The following PCDHGB1 variants were observed in gnomAD, a reference collection of about 807,000 sequenced individuals.
The protein encoded by PCDHGB1 is protocadherin gamma subfamily B, 1.
In PCDHGB1, 34 loss-of-function variants were observed where a neutral mutation model predicts 56.6. The ratio of observed to expected loss-of-function variants is 0.60; its 90% CI spans 0.46 to 0.80. PCDHGB1 has a LOEUF of 0.80. PCDHGB1 is among the 30% of genes least tolerant of loss of function. The pLI, the probability that PCDHGB1 is intolerant of heterozygous loss-of-function variation, is 0.00. For synonymous variants in PCDHGB1, 561 were observed against 505.9 expected, an observed-to-expected ratio of 1.11 and a Z score of -1.46; for missense variants, 1,278 against 1,204.6, an observed-to-expected ratio of 1.06 and a Z score of -0.90.
At chr5:141,388,365 G>A (rs2091332064) in intron 1 of PCDHGB1, 1 of 1,614,002 alleles carries the variant, frequency 6.2e-7, no homozygotes, top group East Asian at 2.2e-5. Flanking sequence ...CCATGATGCG[G>A]ATATTGGTAG....
rs759346998 is a variant in PCDHGB1 at position 141,410,849 on chromosome 5, CTTTTT to C, written c.2409+58198_2409+58202del. On this transcript the variant is annotated intron_variant, in intron 1 of 3. Transcript: ENST00000523390. ...CAGACTGAAGATATTTTGTCTTTGT[CTTTTT>C]TTTTTTTTTTTTTTTTTGAGATGGA... 1.3e-3 allele frequency: 178 copies of C among 137,948 alleles called. 1 individual carries two copies. Among genetic ancestry groups the C allele is most frequent in the East Asian group, 2.3e-3 (10 of 4,422 alleles). 8.5% of individuals were successfully genotyped at this position (137,948 alleles called of 1,614,324 possible). A position where few individuals can be genotyped will look rare whatever the true frequency, so the allele number is the denominator to read the frequency against.
chr5:141,372,439 C>G, intron 1 of PCDHGB1: 2 of 1,614,068 alleles, frequency 1.2e-6, no homozygotes, highest in Non-Finnish European at 1.7e-6. Context: ...CCCACTCCCT[C>G]TGACCCTCAG....
At chr5:141,451,179 T>C (rs1039062167) in intron 1 of PCDHGB1, among the ~76,000 whole-genome samples, 6 of 152,162 alleles carry the variant, frequency 3.9e-5, no homozygotes, top group Non-Finnish European at 8.8e-5. Flanking sequence ...TATTTAGCCA[T>C]TGCTGTGTAA....
At position 141,383,079 on chromosome 5, in the gene PCDHGB1, G is replaced by A. The variant is rs770794066; in HGVS notation, c.2409+30410G>A. 4 of 1,613,906 alleles carry A rather than the reference G, an allele frequency of 2.5e-6. No individual in the cohort carries two copies. In the South Asian group the frequency reaches 4.4e-5, roughly 18 times the overall value. ...TGGGGCTGGAGCCCCGGGAGCTGGC[G>A]GAGCGCGGAGTCCGCATCATCTCCA... is the stretch of plus-strand genomic sequence containing the variant. On this transcript the variant is annotated intron_variant, in intron 1 of 3. Transcript: ENST00000523390.
At chr5:141,377,317 T>C (rs1355098405) in intron 1 of PCDHGB1, 3 of 152,140 alleles carry the variant, frequency 2.0e-5, no homozygotes, top group African/African-American at 7.2e-5. Context: ...GATCAAGATC[T>C]TGGTTTTAGC....
At chr5:141,371,745 G>C (rs767038146) in intron 1 of PCDHGB1, 1 of 1,614,002 alleles carries the variant, frequency 6.2e-7, no homozygotes, top group Non-Finnish European at 8.5e-7. Context: ...CAACGTTCCC[G>C]TTTTCCACCA....
chr5:141,355,407 AG>A (rs1759842814), intron 1 of PCDHGB1: 1 of 1,614,050 alleles, frequency 6.2e-7, no homozygotes, highest in Non-Finnish European at 8.5e-7. Context: ...TCGTCTCCAG[AG>A]GTAGGACGCA....
In PCDHGB1 at chr5:141,489,561, G is replaced by A. The variant is rs1750812409; in HGVS notation, c.2410-5246G>A. 6.2e-7 allele frequency: 1 copy of A among 1,614,106 alleles called. No homozygotes were observed. Among genetic ancestry groups the A allele is most frequent in the Non-Finnish European group, 8.5e-7 (1 of 1,180,026 alleles). On this transcript the variant is annotated intron_variant, in intron 1 of 3. Coordinates refer to ENST00000523390, the MANE Select transcript of PCDHGB1 (RefSeq NM_018922.3). The surrounding 1 kb of genome is among the most constrained non-coding windows in gnomAD (Gnocchi z 4.5). Reference sequence around the variant, plus strand: ...GCACCAGCTGCCTGCTGCCAGTGCAGGTGGTGACTGAACACCCCCTGGAGC... The same window carrying A: ...GCACCAGCTGCCTGCTGCCAGTGCAAGTGGTGACTGAACACCCCCTGGAGC...
At chr5:141,475,840 A>G (rs1039073157) in intron 1 of PCDHGB1, 2 of 434,770 alleles carry the variant, frequency 4.6e-6, no homozygotes, top group Non-Finnish European at 8.2e-6. Context: ...TGTCCTGCTC[A>G]GAGAGCCCGG....
At chr5:141,422,020 G>A (rs374562798) in intron 1 of PCDHGB1, 2 of 1,610,932 alleles carry the variant, frequency 1.2e-6, no homozygotes, top group Non-Finnish European at 1.7e-6. Flanking sequence ...GGTGCTGATG[G>A]TTAATGCAAC....
chr5:141,427,871 G>T, intron 1 of PCDHGB1: 1 of 1,559,532 alleles, frequency 6.4e-7, no homozygotes, highest in Non-Finnish European at 8.8e-7. Flanking sequence ...TCGAGCTCAC[G>T]ATGCAGGCCC....
In PCDHGB1 at chr5:141,362,410, C is replaced by T. The variant is rs374650665; in HGVS notation, c.2409+9741C>T. The stretch of plus-strand genomic sequence containing the variant: ...TTCCTACAACCTGTGTGTTGCCTCA[C>T]AATCAGCCAAGACAGAGTTCAATTT... On this transcript the variant is annotated intron_variant, in intron 1 of 3. Coordinates refer to ENST00000523390, the MANE Select transcript of PCDHGB1 (RefSeq NM_018922.3). 2.5e-6 allele frequency: 4 copies of T among 1,613,916 alleles called. No individual in the cohort carries two copies. The African/African-American group carries it at 5.3e-5, about 22-fold the overall frequency.
chr5:141,387,779 G>T, intron 1 of PCDHGB1: 1 of 1,458,032 alleles, frequency 6.9e-7, no homozygotes, highest in Admixed American at 2.6e-5. Flanking sequence ...TTCTTGAACT[G>T]GAACTGCAAC....
chr5:141,365,663 G>C lies in PCDHGB1; in HGVS notation c.2409+12994G>C, dbSNP rs117201633. The stretch of plus-strand genomic sequence containing the variant: ...CCACATCCCCTTGAAAGTAGCAGAC[G>C]TTAATGACAACCCACCCAATTTCCC... On this transcript the variant is annotated intron_variant, in intron 1 of 3. Transcript: ENST00000523390. 4.9e-5 allele frequency: 79 copies of C among 1,613,390 alleles called. No individual in the cohort carries two copies. The East Asian group carries it at 1.3e-3, about 26-fold the overall frequency.
chr5:141,355,406 G>T (rs1277213650), intron 1 of PCDHGB1: 1 of 1,614,106 alleles, frequency 6.2e-7, no homozygotes, highest in Non-Finnish European at 8.5e-7. Context: ...ATCGTCTCCA[G>T]AGGTAGGACG....
chr5:141,419,671 G>T (rs532058652), intron 1 of PCDHGB1: 1 of 1,612,894 alleles, frequency 6.2e-7, no homozygotes, highest in East Asian at 2.2e-5. Context: ...ATGCCTGGCT[G>T]TCCTACCACG....
intron 1 of PCDHGB1, chr5:141,393,148 A>AT: frequency 6.2e-7 from 1 of 1,613,332 alleles, no homozygotes; most frequent in Non-Finnish European, 8.5e-7. Context: ...CTGGTTGAGG[A>AT]TAAAGGAAAA....
intron 1 of PCDHGB1, chr5:141,404,421 C>T (rs199749783): frequency 1.2e-6 from 2 of 1,613,574 alleles, no homozygotes; most frequent in Non-Finnish European, 1.7e-6. Flanking sequence ...GTTATTTACT[C>T]CTTGGCAGAG....
intron 1 of PCDHGB1, chr5:141,384,367 T>G (rs1780005491): frequency 1.2e-6 from 2 of 1,613,766 alleles, no homozygotes; most frequent in African/African-American, 2.7e-5. Flanking sequence ...GATCACTTAT[T>G]CCTTGGCCGA....
Sources: allele counts gnomAD v4.1 joint callset (sites outside exome capture counted in the v4.1 genomes callset), GRCh38; gene constraint gnomAD v4.1.1; non-coding constraint Gnocchi (gnomAD v3.1); transcripts MANE v1.5; gene names NCBI Gene and HGNC (gene_info 2026-07-23, HGNC 2026-07-21).